The following ADGRG6 variants were observed in gnomAD, a reference collection of about 807,000 sequenced individuals.
ADGRG6 encodes the protein adhesion G protein-coupled receptor G6, also known as G-protein coupled receptor 126.
A neutral mutation model predicts 142.4 loss-of-function variants in ADGRG6; 84 were observed. The observed-to-expected ratio is 0.59, with a 90% CI of 0.49 to 0.71. The LOEUF is 0.71. ADGRG6 is among the 30% of genes least tolerant of loss of function. The pLI is 0.00. For synonymous variants in ADGRG6, 521 were observed against 520.5 expected, an observed-to-expected ratio of 1.00 and a Z score of -0.01; for missense variants, 1,367 against 1,466.6, an observed-to-expected ratio of 0.93 and a Z score of 1.11.
At chr6:142,313,220 G>A (rs181244599) in intron 2 of ADGRG6, among the ~76,000 whole-genome samples, 3 of 152,180 alleles carry the variant, frequency 2.0e-5, no homozygotes, top group Admixed American at 1.3e-4. Flanking sequence ...GCATAGAAGT[G>A]TATGAATATT....
intron 2 of ADGRG6, among the ~76,000 whole-genome samples, chr6:142,355,421 A>G (rs1337103663): frequency 2.6e-5 from 4 of 152,164 alleles, no homozygotes; most frequent in African/African-American, 7.2e-5. Flanking sequence ...AAATGGGATC[A>G]TGGAAGGAAT....
intron 2 of ADGRG6, among the ~76,000 whole-genome samples, chr6:142,345,289 T>A (rs757231619): frequency 1.3e-5 from 2 of 152,106 alleles, no homozygotes; most frequent in South Asian, 4.1e-4. Flanking sequence ...GGGAAAAGTA[T>A]AAGTAACTTG....
At chr6:142,432,210 C>T (rs1013022930) in intron 22 of ADGRG6, among the ~76,000 whole-genome samples, 11 of 152,094 alleles carry the variant, frequency 7.2e-5, no homozygotes, top group African/African-American at 2.4e-4. Context: ...TGCTTGTGTG[C>T]ACTGTTACAG....
intron 24 of ADGRG6, among the ~76,000 whole-genome samples, chr6:142,442,780 G>T (rs1028303838): frequency 6.6e-5 from 10 of 151,822 alleles, no homozygotes; most frequent in African/African-American, 2.4e-4. Flanking sequence ...TCATTTGCTT[G>T]TATTCTCCAA....
intron 2 of ADGRG6, among the ~76,000 whole-genome samples, chr6:142,357,340 G>T (rs983478591): frequency 6.6e-6 from 1 of 151,986 alleles, no homozygotes. Context: ...ACTAATTCCA[G>T]TGATGAGTTA....
At chr6:142,426,194 C>G (rs912323060) in intron 22 of ADGRG6, among the ~76,000 whole-genome samples, 2 of 152,196 alleles carry the variant, frequency 1.3e-5, no homozygotes, top group African/African-American at 4.8e-5. Flanking sequence ...TCCTACGTCT[C>G]ATCTGAGACA....
Position 142,438,368 on chromosome 6 carries a change from A to G in ADGRG6, c.3574+4A>G, listed in dbSNP as rs745786734. On this transcript the variant is annotated splice_donor_region_variant and intron_variant, in intron 24 of 24. Coordinates refer to ENST00000367609, the MANE Select transcript of ADGRG6 (RefSeq NM_198569.3). ...TTCAAAAGGAATAGCCACACAGGTG[A>G]GTCTAAAGATGTCCTCAAGTTTAGT... 5.1e-6 allele frequency: 8 copies of G among 1,575,934 alleles called. No individual in the cohort carries two copies. The highest frequency in any genetic ancestry group is 1.7e-4 in the Middle Eastern group (1 of 5,938).
Position 142,370,197 on chromosome 6 carries a change from T to A in ADGRG6, c.473T>A (p.Val158Asp). Reference sequence around the variant, plus strand: ...GCCGTGTCCTTAAGGAATCAAAAGGTCATTTTACCCCAGACATCAGATGCT... The same window carrying A: ...GCCGTGTCCTTAAGGAATCAAAAGGACATTTTACCCCAGACATCAGATGCT... Reference protein sequence around the residue: ...RVAVSLRNQKVILPQTSDAYQ... With the variant: ...RVAVSLRNQKDILPQTSDAYQ... The change falls in exon 4 of 25, where the codon GTC (valine) becomes GAC (aspartate). Residue 158 changes from valine (V) to aspartate (D), a missense_variant. By Grantham distance (152) the Val-to-Asp change is radical. Transcript: ENST00000367609. 1 of 1,604,240 alleles carries A rather than the reference T, an allele frequency of 6.2e-7. No homozygotes were observed. The highest frequency in any genetic ancestry group is 1.1e-5 in the South Asian group (1 of 90,762).
chr6:142,379,563 T>C (rs1055867410), intron 4 of ADGRG6, among the ~76,000 whole-genome samples: 4 of 152,038 alleles, frequency 2.6e-5, no homozygotes, highest in Non-Finnish European at 5.9e-5. Flanking sequence ...GTCAGGAGAT[T>C]GAGACCATCC....
At chr6:142,409,997 T>A in intron 17 of ADGRG6, 78 bp downstream of exon 17, 1 of 609,166 alleles carries the variant, frequency 1.6e-6, no homozygotes, top group Non-Finnish European at 2.9e-6. Context: ...CCATTTCCTT[T>A]AATTCCACCC....
intron 2 of ADGRG6, among the ~76,000 whole-genome samples, chr6:142,366,082 A>G (rs751625887): frequency 6.6e-6 from 1 of 152,248 alleles, no homozygotes; most frequent in African/African-American, 2.4e-5. Context: ...CAATGTGAAT[A>G]TTAGTTGCAA....
At chr6:142,368,257 A>AT (rs1327209404) in intron 3 of ADGRG6, among the ~76,000 whole-genome samples, 1 of 152,190 alleles carries the variant, frequency 6.6e-6, no homozygotes, top group African/African-American at 2.4e-5. Flanking sequence ...TTTAGACATC[A>AT]TTTTATTTTG....
chr6:142,406,422 C>T (rs1775811202), intron 15 of ADGRG6, among the ~76,000 whole-genome samples: 1 of 152,214 alleles, frequency 6.6e-6, no homozygotes, highest in Non-Finnish European at 1.5e-5. Flanking sequence ...TTTACAAGTA[C>T]AACCTGATCG....
chr6:142,364,079 A>G (rs1333174107), intron 2 of ADGRG6, among the ~76,000 whole-genome samples: 1 of 151,356 alleles, frequency 6.6e-6, no homozygotes, highest in East Asian at 1.9e-4. Flanking sequence ...TGGTGCTACT[A>G]TCAATTAGAT....
intron 2 of ADGRG6, among the ~76,000 whole-genome samples, chr6:142,310,719 A>G (rs2114519607): frequency 6.6e-6 from 1 of 151,968 alleles, no homozygotes; most frequent in East Asian, 1.9e-4. Context: ...TGGCTTCAAA[A>G]CAGAACAGAT....
At chr6:142,427,397 A>G (rs1283854018) in intron 22 of ADGRG6, among the ~76,000 whole-genome samples, 1 of 152,174 alleles carries the variant, frequency 6.6e-6, no homozygotes, top group African/African-American at 2.4e-5. Flanking sequence ...AGTTCTCAAC[A>G]AGTTCCTCAT....
chr6:142,395,535 C>A (rs1041935189), intron 9 of ADGRG6, among the ~76,000 whole-genome samples: 4 of 152,110 alleles, frequency 2.6e-5, no homozygotes, highest in African/African-American at 9.7e-5. Flanking sequence ...CATGTCAGCA[C>A]CTCAGAAACT....
chr6:142,367,626 C>A lies in ADGRG6; in HGVS notation c.161C>A (p.Ser54Tyr), dbSNP rs1433165473. The change falls in exon 3 of 25, where the codon TCT becomes TAT. Residue 54 changes from serine to tyrosine, a missense_variant. Physicochemically the swap from Ser to Tyr is moderately radical, Grantham distance 144 (BLOSUM62 -2). Around this residue, in one of 3 missense-constraint regions of ADGRG6, gnomAD observed 737 missense variants for 746.5 expected, o/e 0.99. Transcript: ENST00000367609. The stretch of plus-strand genomic sequence containing the variant: ...TCCAACCCTTCTGGGACCTTTACTT[C>A]TCCATGCTACCCTAACGACTACCCA... ...VLSNPSGTFT[S>Y]PCYPNDYPNS... The A allele has an allele frequency of 6.2e-7, 1 of 1,613,838 alleles. No individual in the cohort carries two copies. The highest frequency in any genetic ancestry group is 1.7e-4 in the Middle Eastern group (1 of 6,060).
At chr6:142,330,136 G>A (rs1778976050) in intron 2 of ADGRG6, among the ~76,000 whole-genome samples, 1 of 151,762 alleles carries the variant, frequency 6.6e-6, no homozygotes, top group Non-Finnish European at 1.5e-5. Flanking sequence ...TTCTGTTCGT[G>A]TGTTAGTTTA....
Sources: allele counts gnomAD v4.1 joint callset (sites outside exome capture counted in the v4.1 genomes callset), GRCh38; gene constraint gnomAD v4.1.1; regional missense constraint gnomAD v4.1.1; transcripts MANE v1.5; gene names NCBI Gene and HGNC (gene_info 2026-07-23, HGNC 2026-07-21).